CMIP: variants seen among roughly 807,000 people sequenced by gnomAD.
The protein encoded by CMIP is C-Maf-inducing protein.
CMIP carries 13 observed loss-of-function variants against 97.3 expected under a neutral mutation model. The ratio of observed to expected loss-of-function variants is 0.13; its 90% CI spans 0.09 to 0.21. CMIP has a LOEUF of 0.21. Among genes scored for constraint, CMIP ranks in the 10% least tolerant of loss-of-function variants. The pLI is 1.00. For missense variants in CMIP, 847 were observed against 1,024.9 expected (o/e 0.83, Z 2.37); for synonymous variants, 538 against 436.3 (o/e 1.23, Z -2.91).
chr16:81,708,724 C>G (rs78876643), intron 20 of CMIP, among the ~76,000 whole-genome samples: 1,567 of 152,302 alleles, frequency 0.01, 35 homozygotes, highest in African/African-American at 0.035. Flanking sequence ...ACCTTGAAAT[C>G]TAGATTCGTC....
chr16:81,686,149 C>T (rs545873130), intron 10 of CMIP, among the ~76,000 whole-genome samples: 14 of 152,310 alleles, frequency 9.2e-5, no homozygotes, highest in South Asian at 4.1e-4. Flanking sequence ...GCACCTGGCA[C>T]GCAGCAGGCG....
At chr16:81,599,140 G>A (rs1434554520) in intron 1 of CMIP, among the ~76,000 whole-genome samples, 1 of 152,092 alleles carries the variant, frequency 6.6e-6, no homozygotes, top group African/African-American at 2.4e-5. Context: ...TGAGAAAGGT[G>A]CAGGCAGCTC....
intron 1 of CMIP, among the ~76,000 whole-genome samples, chr16:81,490,779 C>G (rs1403338091): frequency 1.3e-5 from 2 of 151,766 alleles, no homozygotes; most frequent in Non-Finnish European, 2.9e-5. Flanking sequence ...GGGAGCCACC[C>G]TGGGGTGTCT....
intron 9 of CMIP, among the ~76,000 whole-genome samples, chr16:81,675,426 C>T (rs112635167): frequency 1.6e-3 from 236 of 148,610 alleles, no homozygotes; most frequent in African/African-American, 5.5e-3. Flanking sequence ...GCCATGTTGG[C>T]CAGGCTGGTC....
At position 81,616,826 on chromosome 16, in the gene CMIP, G is replaced by A. The variant is rs915378876; in HGVS notation, c.427-4050G>A. Reference sequence around the variant, plus strand: ...GTGGTCAGTGGCTCTGAAGAAATCCGTCCCAGGCCTTTAGACATCAAGTGC... The same window carrying A: ...GTGGTCAGTGGCTCTGAAGAAATCCATCCCAGGCCTTTAGACATCAAGTGC... On this transcript the variant is annotated intron_variant, in intron 2 of 20. Transcript: ENST00000537098. This position sits in a 1 kb window ranked among gnomAD's most constrained non-coding sequence, Gnocchi z 4.7. Among the ~76,000 whole-genome samples the A allele has an allele frequency of 6.6e-6, 1 of 152,340 alleles. No homozygotes were observed. The highest frequency in any genetic ancestry group is 2.4e-5 in the African/African-American group (1 of 41,584).
At chr16:81,501,891 C>T (rs2089620475) in intron 1 of CMIP, among the ~76,000 whole-genome samples, 2 of 152,182 alleles carry the variant, frequency 1.3e-5, no homozygotes, top group Admixed American at 1.3e-4. Context: ...GGGTTACAGG[C>T]GTGAGCCATT....
chr16:81,608,074 C>T (rs980946459), intron 2 of CMIP, among the ~76,000 whole-genome samples: 1 of 152,152 alleles, frequency 6.6e-6, no homozygotes, highest in Non-Finnish European at 1.5e-5. Context: ...TGACTTTTTG[C>T]ATTACTTTGA....
chr16:81,607,885 C>A (rs1163007704), intron 2 of CMIP, among the ~76,000 whole-genome samples, 193 bp downstream of exon 2: 1 of 152,224 alleles, frequency 6.6e-6, no homozygotes, highest in Non-Finnish European at 1.5e-5. Flanking sequence ...TGTGCATGGC[C>A]TGAGCGTCTC....
Position 81,453,018 on chromosome 16 carries a change from C to G in CMIP, c.300+7477C>G, listed in dbSNP as rs1166890940. ...CTTTGAAAACGCAACTCCCTTTGTC[C>G]ATAACTACACTCTAAGGATCCTAGG... is the stretch of plus-strand genomic sequence containing the variant. On this transcript the variant is annotated intron_variant, in intron 1 of 20. Coordinates refer to ENST00000537098, the MANE Select transcript of CMIP (RefSeq NM_198390.3). The surrounding 1 kb of genome is among the most constrained non-coding windows in gnomAD (Gnocchi z 4.0). Among the ~76,000 whole-genome samples the G allele has an allele frequency of 6.6e-6, 1 of 151,872 alleles. No individual in the cohort carries two copies. The highest frequency in any genetic ancestry group is 2.4e-5 in the African/African-American group (1 of 41,302).
chr16:81,612,333 G>A (rs1432862174), intron 2 of CMIP, among the ~76,000 whole-genome samples: 1 of 152,150 alleles, frequency 6.6e-6, no homozygotes, highest in Non-Finnish European at 1.5e-5. Context: ...GCTTCTTTCG[G>A]GGATGGGTTC....
chr16:81,639,483 A>G (rs1026563711), intron 3 of CMIP, among the ~76,000 whole-genome samples: 1 of 152,200 alleles, frequency 6.6e-6, no homozygotes, highest in Non-Finnish European at 1.5e-5. Flanking sequence ...TAGGGACCTC[A>G]TATGCGTGGA....
At chr16:81,701,595 G>A (rs538593121) in intron 15 of CMIP, 65 bp from the exon 16 acceptor site, 86 of 1,609,606 alleles carry the variant, frequency 5.3e-5, no homozygotes, top group Non-Finnish European at 6.9e-5. Context: ...CCCTTGGGGT[G>A]CACAGAGTGT....
At chr16:81,566,312 C>G (rs954282592) in intron 1 of CMIP, among the ~76,000 whole-genome samples, 5 of 152,238 alleles carry the variant, frequency 3.3e-5, no homozygotes, top group African/African-American at 1.2e-4. Flanking sequence ...GTCTCCCAGC[C>G]TCCTGGGGAC....
chr16:81,560,830 C>A (rs916881517), intron 1 of CMIP, among the ~76,000 whole-genome samples: 1 of 152,188 alleles, frequency 6.6e-6, no homozygotes, highest in Non-Finnish European at 1.5e-5. Flanking sequence ...AGGTTTGTAG[C>A]CCAGCCATAG....
At chr16:81,513,818 A>G (rs2089858947) in intron 1 of CMIP, among the ~76,000 whole-genome samples, 1 of 152,176 alleles carries the variant, frequency 6.6e-6, no homozygotes, top group South Asian at 2.1e-4. Flanking sequence ...CAGCTCTCGG[A>G]TCCTCTGGGC....
rs1469564378 is a variant in CMIP at position 81,459,018 on chromosome 16, C to T, written c.300+13477C>T. On this transcript the variant is annotated intron_variant, in intron 1 of 20. Transcript: ENST00000537098. ...ACTGTCACCATCACCGTCACCGTCA[C>T]CATCACTGTCACCATCACCATCACC... 3.7e-5 allele frequency among the ~76,000 whole-genome samples: 5 copies of T among 135,504 alleles called. No homozygotes were observed. The East Asian group carries it at 7.7e-4, about 21-fold the overall frequency. 88.9% of individuals were successfully genotyped at this position (135,504 alleles called of 152,430 possible). A position where few individuals can be genotyped will look rare whatever the true frequency, so the allele number is the denominator to read the frequency against.
chr16:81,532,516 C>T (rs12933858), intron 1 of CMIP, among the ~76,000 whole-genome samples: 56,418 of 151,800 alleles, frequency 0.37, 12,340 homozygotes, highest in Non-Finnish European at 0.49. Flanking sequence ...CCCTGAGCCT[C>T]CCCAGGGACT....
chr16:81,687,007 G>T (rs1042422698), intron 10 of CMIP, among the ~76,000 whole-genome samples: 61 of 152,108 alleles, frequency 4.0e-4, no homozygotes, highest in African/African-American at 1.4e-3. Context: ...CTGGACAAGG[G>T]TTCAGATCCC....
At chr16:81,547,779 G>T (rs1486002991) in intron 1 of CMIP, among the ~76,000 whole-genome samples, 1 of 152,220 alleles carries the variant, frequency 6.6e-6, no homozygotes, top group Non-Finnish European at 1.5e-5. Context: ...CTGGCTCACA[G>T]TTGTGGGGCA....
Sources: allele counts gnomAD v4.1 joint callset (sites outside exome capture counted in the v4.1 genomes callset), GRCh38; gene constraint gnomAD v4.1.1; non-coding constraint Gnocchi (gnomAD v3.1); transcripts MANE v1.5; gene names NCBI Gene and HGNC (gene_info 2026-07-23, HGNC 2026-07-21).